RTTN: variants seen among roughly 807,000 people sequenced by gnomAD.
RTTN encodes rotatin.
A neutral mutation model predicts 269.2 loss-of-function variants in RTTN; 182 were observed. The ratio of observed to expected loss-of-function variants is 0.68; its 90% CI spans 0.60 to 0.76. The LOEUF (loss-of-function observed/expected upper bound fraction) is 0.76. Ranked by LOEUF, RTTN falls within the 30% of genes least tolerant of loss-of-function variation. RTTN has a pLI of 0.00. For missense variants in RTTN, 2,545 were observed against 2,608.6 expected (o/e 0.98, Z 0.53); for synonymous variants, 1,006 against 963.5 (o/e 1.04, Z -0.82).
At chr18:70,154,460 G>A (rs886201778) in intron 14 of RTTN, among the ~76,000 whole-genome samples, 8 of 151,820 alleles carry the variant, frequency 5.3e-5, no homozygotes, top group South Asian at 2.1e-4. Flanking sequence ...TTTAAATTTC[G>A]GGGTATAATA....
At chr18:70,008,828 A>G (rs2056279348) in intron 46 of RTTN, 1 of 152,206 alleles carries the variant, frequency 6.6e-6, no homozygotes, top group Non-Finnish European at 1.5e-5. Flanking sequence ...CCAAGTTGGA[A>G]AATACTCTTC....
In RTTN at chr18:70,004,245, G is replaced by A; in HGVS notation, c.6596-9C>T. The A allele has an allele frequency of 6.3e-7, 1 of 1,597,364 alleles. No homozygotes were observed. The highest frequency in any genetic ancestry group is 8.6e-7 in the Non-Finnish European group (1 of 1,165,216). On this transcript the variant is annotated splice_polypyrimidine_tract_variant and intron_variant, in intron 48 of 48. Coordinates refer to ENST00000640769, the MANE Select transcript of RTTN (RefSeq NM_173630.4). ...TTCTGAGTTTGGGAAAGCTGAGATA[G>A]AAAAATAAGAGTACAGAAATACTAG...
At chr18:70,039,454 C>T (rs1339009807) in intron 40 of RTTN, among the ~76,000 whole-genome samples, 3 of 150,914 alleles carry the variant, frequency 2.0e-5, no homozygotes, top group Non-Finnish European at 3.0e-5. Flanking sequence ...TAGAATAGTA[C>T]ATACGATGAA....
In RTTN at chr18:70,166,312, T is replaced by C. The variant is rs546091818; in HGVS notation, c.1803-124A>G. 3 of 877,976 alleles carry C rather than the reference T, an allele frequency of 3.4e-6. No homozygotes were observed. In the Admixed American group the frequency reaches 7.3e-5, roughly 21 times the overall value. The allele number at this position is 877,976 out of a possible 1,614,324, so 54.4% of individuals were successfully genotyped here. Reference sequence around the variant, plus strand: ...CCTCAAACTGAGATCTTATTAAAAATAACCAATACTAGCAAGTACTCACCT... The same window carrying C: ...CCTCAAACTGAGATCTTATTAAAAACAACCAATACTAGCAAGTACTCACCT... On this transcript the variant is annotated intron_variant, in intron 13 of 48. Transcript: ENST00000640769.
At position 70,145,732 on chromosome 18, in the gene RTTN, T is replaced by C. The variant is rs1442581177; in HGVS notation, c.2361A>G (p.Glu787=). The C allele has an allele frequency of 6.2e-7, 1 of 1,613,354 alleles. No individual in the cohort carries two copies. The highest frequency in any genetic ancestry group is 8.5e-7 in the Non-Finnish European group (1 of 1,179,550). The change falls in exon 18 of 49, where the codon GAA becomes GAG. Residue 787 remains glutamate (E), a synonymous_variant. Transcript: ENST00000640769. ...KLLAFHLTSE[E]GADTKRPLID... is the part of the protein sequence containing the mutation. ...TTAGAGGACGCTTTGTATCAGCCCC[T>C]TCTTCACTGGTAAGATGGAATGCTA...
chr18:70,098,661 T>C (rs1211174417), intron 28 of RTTN, among the ~76,000 whole-genome samples: 3 of 152,210 alleles, frequency 2.0e-5, no homozygotes, highest in Non-Finnish European at 4.4e-5. Context: ...TTTTTTAATA[T>C]ACTTAAAGTT....
intron 14 of RTTN, among the ~76,000 whole-genome samples, chr18:70,155,342 A>G (rs1348295356): frequency 6.6e-6 from 1 of 152,272 alleles, no homozygotes; most frequent in Admixed American, 6.5e-5. Context: ...TCAAAATAAC[A>G]GTATCTGCTA....
chr18:70,156,645 C>T (rs888717750), intron 14 of RTTN, among the ~76,000 whole-genome samples: 5 of 152,124 alleles, frequency 3.3e-5, no homozygotes, highest in Non-Finnish European at 5.9e-5. Context: ...TGGGACATCA[C>T]GGAACCCACC....
At chr18:70,099,930 A>G (rs1313516811) in intron 28 of RTTN, among the ~76,000 whole-genome samples, 1 of 152,034 alleles carries the variant, frequency 6.6e-6, no homozygotes, top group African/African-American at 2.4e-5. Flanking sequence ...GTTCTGTTCC[A>G]TTGGTCTATA....
chr18:70,142,521 G>A, intron 18 of RTTN, 134 bp from the exon 19 acceptor site: 1 of 613,108 alleles, frequency 1.6e-6, no homozygotes, highest in South Asian at 2.0e-5. Flanking sequence ...ATAATTACAG[G>A]TAAATTCACA....
chr18:70,048,306 GA>G, intron 39 of RTTN, 118 bp from the exon 40 acceptor site: 1 of 967,264 alleles, frequency 1.0e-6, no homozygotes, highest in South Asian at 1.6e-5. Context: ...CAACTTGTGT[GA>G]TTGTGTTGCA....
intron 23 of RTTN, chr18:70,131,963 T>A (rs899674489): frequency 6.6e-6 from 1 of 151,650 alleles, no homozygotes; most frequent in Non-Finnish European, 1.5e-5. Context: ...AAAGTACATT[T>A]AAGGACACAG....
chr18:70,189,493 G>A (rs991453757), intron 9 of RTTN, among the ~76,000 whole-genome samples: 10 of 152,258 alleles, frequency 6.6e-5, no homozygotes, highest in Non-Finnish European at 8.8e-5. Context: ...TTTATCAAAC[G>A]TTGAAAATGT....
intron 14 of RTTN, among the ~76,000 whole-genome samples, chr18:70,154,487 T>C (rs2060622456): frequency 6.6e-6 from 1 of 152,172 alleles, no homozygotes; most frequent in Admixed American, 6.5e-5. Context: ...CCAAATACAG[T>C]GATCTTAGTT....
At chr18:70,197,349 T>C (rs2061836158) in intron 6 of RTTN, among the ~76,000 whole-genome samples, 1 of 152,210 alleles carries the variant, frequency 6.6e-6, no homozygotes, top group Non-Finnish European at 1.5e-5. Flanking sequence ...CTGCACAATC[T>C]CAATGTCCAA....
intron 12 of RTTN, among the ~76,000 whole-genome samples, chr18:70,167,832 G>GT (rs1213043126): frequency 2.0e-5 from 3 of 152,072 alleles, no homozygotes; most frequent in Non-Finnish European, 2.9e-5. Flanking sequence ...AACTACAGTG[G>GT]TAAGTAAGAA....
intron 46 of RTTN, among the ~76,000 whole-genome samples, chr18:70,012,864 C>T (rs1019918115): frequency 1.3e-5 from 2 of 152,040 alleles, no homozygotes; most frequent in Non-Finnish European, 2.9e-5. Flanking sequence ...AATAAATATT[C>T]GTTGTGTGAA....
intron 14 of RTTN, among the ~76,000 whole-genome samples, chr18:70,157,970 C>T (rs939619316): frequency 4.0e-5 from 6 of 151,254 alleles, no homozygotes; most frequent in African/African-American, 1.5e-4. Flanking sequence ...GAACCTAACA[C>T]CCATCAGCAT....
At chr18:70,156,308 G>A (rs1599817228) in intron 14 of RTTN, among the ~76,000 whole-genome samples, 1 of 152,098 alleles carries the variant, frequency 6.6e-6, no homozygotes, top group Non-Finnish European at 1.5e-5. Context: ...GGTCGAGACT[G>A]TAGGGGTGAA....
Sources: allele counts gnomAD v4.1 joint callset (sites outside exome capture counted in the v4.1 genomes callset), GRCh38; gene constraint gnomAD v4.1.1; transcripts MANE v1.5; gene names NCBI Gene and HGNC (gene_info 2026-07-23, HGNC 2026-07-21).